Variants in GALNT13 observed in about 807,000 individuals in gnomAD.
The protein encoded by GALNT13 is UDP-GalNAc:polypeptide N-acetylgalactosaminyltransferase 13.
Under a neutral mutation model 64.2 loss-of-function variants are expected in GALNT13, and 28 were observed. That is an observed-to-expected ratio of 0.44 (90% confidence interval 0.32 to 0.60). The LOEUF is 0.60. GALNT13 is among the 20% of genes least tolerant of loss of function. GALNT13 has a pLI of 0.05. For synonymous variants in GALNT13, 214 were observed against 224.6 expected, an observed-to-expected ratio of 0.95 and a Z score of 0.42; for missense variants, 577 against 669.8, an observed-to-expected ratio of 0.86 and a Z score of 1.53.
chr2:153,521,961 G>C, the GALNT13 span, among the ~76,000 whole-genome samples: 263 of 152,070 alleles, frequency 1.7e-3, 1 homozygote, highest in African/African-American at 6.0e-3. Flanking sequence ...TATCTTAGTT[G>C]CTTCAAAATT....
the GALNT13 span, among the ~76,000 whole-genome samples, chr2:153,374,413 G>A: frequency 6.6e-6 from 1 of 151,802 alleles, no homozygotes; most frequent in African/African-American, 2.4e-5. Flanking sequence ...CAAGTCTTTT[G>A]TTTATTTTTT....
the GALNT13 span, among the ~76,000 whole-genome samples, chr2:153,146,216 A>G: frequency 6.6e-6 from 1 of 150,588 alleles, no homozygotes; most frequent in East Asian, 2.0e-4. Context: ...GAAGTTTTCT[A>G]AAAATGGAGA....
intron 3 of GALNT13, among the ~76,000 whole-genome samples, chr2:153,954,801 G>A (rs191452074): frequency 3.6e-4 from 55 of 152,094 alleles, no homozygotes; most frequent in Non-Finnish European, 2.9e-5. Flanking sequence ...CCTCTGCAAG[G>A]ACTCACAGCT....
At chr2:154,187,211 G>A (rs1335808578) in intron 4 of GALNT13, among the ~76,000 whole-genome samples, 1 of 151,904 alleles carries the variant, frequency 6.6e-6, no homozygotes, top group Non-Finnish European at 1.5e-5. Context: ...AAACATATCT[G>A]ATTTTACTGT....
chr2:153,905,123 C>G (rs920694475), intron 2 of GALNT13, among the ~76,000 whole-genome samples: 2 of 151,932 alleles, frequency 1.3e-5, no homozygotes, highest in Non-Finnish European at 2.9e-5. Context: ...GTTGACTTTG[C>G]CTTCTTTCAT....
chr2:154,405,474 C>A (rs901720035), intron 10 of GALNT13, among the ~76,000 whole-genome samples: 11 of 151,526 alleles, frequency 7.3e-5, no homozygotes. Flanking sequence ...AGGCAGGGTG[C>A]AGTGGCTCAC....
chr2:153,934,927 T>A (rs956628480), intron 2 of GALNT13, among the ~76,000 whole-genome samples: 2 of 152,188 alleles, frequency 1.3e-5, no homozygotes, highest in African/African-American at 4.8e-5. Context: ...TGATATCCAC[T>A]TTTGATCTTT....
chr2:154,282,242 T>C (rs1161146601), intron 8 of GALNT13, among the ~76,000 whole-genome samples: 1 of 152,160 alleles, frequency 6.6e-6, no homozygotes, highest in African/African-American at 2.4e-5. Context: ...ATCTGTGAGC[T>C]TTCTAAACGA....
At chr2:153,563,625 G>C in the GALNT13 span, among the ~76,000 whole-genome samples, 1 of 151,770 alleles carries the variant, frequency 6.6e-6, no homozygotes, top group Admixed American at 6.6e-5. Context: ...TGTTTAGCCA[G>C]GTCCAAAGTT....
At chr2:153,088,788 C>T in the GALNT13 span, among the ~76,000 whole-genome samples, 1 of 152,112 alleles carries the variant, frequency 6.6e-6, no homozygotes, top group Admixed American at 6.5e-5. Context: ...AGAATAGCTA[C>T]TCCTGCTTGC....
At chr2:153,988,745 GGAT>G (rs999705519) in intron 3 of GALNT13, among the ~76,000 whole-genome samples, 3 of 151,856 alleles carry the variant, frequency 2.0e-5, no homozygotes, top group African/African-American at 7.2e-5. Context: ...AAATTTAAGA[GGAT>G]GATGAGGATC....
At chr2:154,156,809 T>C (rs1684449441) in intron 4 of GALNT13, among the ~76,000 whole-genome samples, 1 of 152,180 alleles carries the variant, frequency 6.6e-6, no homozygotes, top group African/African-American at 2.4e-5. Flanking sequence ...CTGGAACTTA[T>C]ATAGATATAA....
At chr2:153,775,604 C>A in the GALNT13 span, among the ~76,000 whole-genome samples, 1 of 151,832 alleles carries the variant, frequency 6.6e-6, no homozygotes, top group African/African-American at 2.4e-5. Context: ...ATACATAATT[C>A]CCAAGTAAGA....
the GALNT13 span, among the ~76,000 whole-genome samples, chr2:153,678,312 A>C: frequency 6.6e-6 from 1 of 152,048 alleles, no homozygotes; most frequent in East Asian, 1.9e-4. Context: ...GATAAATAAA[A>C]TGTGGTACAT....
At chr2:153,236,702 A>G in the GALNT13 span, among the ~76,000 whole-genome samples, 8 of 152,110 alleles carry the variant, frequency 5.3e-5, no homozygotes, top group Admixed American at 2.0e-4. Context: ...ATCATTGACA[A>G]TGTTCCTGGT....
At chr2:153,936,342 G>C (rs1690911587) in intron 2 of GALNT13, among the ~76,000 whole-genome samples, 1 of 152,160 alleles carries the variant, frequency 6.6e-6, no homozygotes, top group African/African-American at 2.4e-5. Flanking sequence ...TAATGGACTT[G>C]AGCTTTGAGT....
At chr2:153,892,636 C>A (rs545323402) in intron 1 of GALNT13, among the ~76,000 whole-genome samples, 36 of 152,094 alleles carry the variant, frequency 2.4e-4, no homozygotes, top group African/African-American at 8.7e-4. Context: ...TCTCCTGGTA[C>A]TGTTAAAGCT....
chr2:153,633,706 A>G, the GALNT13 span, among the ~76,000 whole-genome samples: 2 of 152,098 alleles, frequency 1.3e-5, no homozygotes, highest in African/African-American at 4.8e-5. Flanking sequence ...ATTTCCAAGG[A>G]TAGTCTTCTT....
chr2:153,517,245 C>A, the GALNT13 span, among the ~76,000 whole-genome samples: 2 of 152,156 alleles, frequency 1.3e-5, no homozygotes, highest in African/African-American at 4.8e-5. Context: ...ATATGCTTAC[C>A]TCTATGGCTT....
Sources: gnomAD v4.1 joint callset for allele counts (sites outside exome capture counted in the v4.1 genomes callset) on GRCh38, gnomAD v4.1.1 for gene constraint, MANE v1.5 for transcripts, NCBI Gene and HGNC (gene_info 2026-07-23, HGNC 2026-07-21) for gene names.